The following RAPGEF4 variants were observed in gnomAD, a reference collection of about 807,000 sequenced individuals.
RAPGEF4 encodes the protein RAP guanine-nucleotide-exchange factor (GEF) 4.
A neutral mutation model predicts 147.9 loss-of-function variants in RAPGEF4; 66 were observed. The ratio of observed to expected loss-of-function variants is 0.45; its 90% CI spans 0.37 to 0.55. The LOEUF is 0.55. RAPGEF4 is among the 20% of genes least tolerant of loss of function. RAPGEF4 has a pLI of 0.00. For synonymous variants in RAPGEF4, 419 were observed against 442.7 expected, an observed-to-expected ratio of 0.95 and a Z score of 0.67; for missense variants, 1,071 against 1,257.3, an observed-to-expected ratio of 0.85 and a Z score of 2.24.
chr2:172,912,488 C>T (rs1683541597), intron 4 of RAPGEF4, among the ~76,000 whole-genome samples: 1 of 152,206 alleles, frequency 6.6e-6, no homozygotes, highest in Non-Finnish European at 1.5e-5. Context: ...CACAGTTGGC[C>T]TCCTTACTCT....
At chr2:172,986,589 T>G (rs1692272198) in intron 12 of RAPGEF4, among the ~76,000 whole-genome samples, 1 of 152,178 alleles carries the variant, frequency 6.6e-6, no homozygotes, top group African/African-American at 2.4e-5. Flanking sequence ...TTGCTAATTG[T>G]TTTCATTTTA....
At chr2:172,928,691 C>T (rs947282916) in intron 6 of RAPGEF4, among the ~76,000 whole-genome samples, 7 of 152,126 alleles carry the variant, frequency 4.6e-5, no homozygotes, top group Admixed American at 2.0e-4. Context: ...GCCATGCTGA[C>T]GATTTTCTAG....
At chr2:173,019,288 G>A (rs1695813661) in intron 22 of RAPGEF4, among the ~76,000 whole-genome samples, 1 of 152,176 alleles carries the variant, frequency 6.6e-6, no homozygotes, top group Non-Finnish European at 1.5e-5. Context: ...TTCCTCCACG[G>A]GATTACAGTT....
intron 1 of RAPGEF4, among the ~76,000 whole-genome samples, chr2:172,747,692 G>T (rs1574677903): frequency 6.6e-6 from 1 of 151,980 alleles, no homozygotes; most frequent in South Asian, 2.1e-4. Context: ...CAAACCCCTG[G>T]GCTTAAGCAA....
At chr2:172,974,429 GTACTAA>G (rs1690847825) in intron 10 of RAPGEF4, among the ~76,000 whole-genome samples, 1 of 152,072 alleles carries the variant, frequency 6.6e-6, no homozygotes, top group Non-Finnish European at 1.5e-5. Context: ...CATACCTATA[GTACTAA>G]CACTTTGGGA....
intron 7 of RAPGEF4, 57 bp downstream of exon 7, chr2:172,960,870 G>A: frequency 1.4e-6 from 2 of 1,403,390 alleles, no homozygotes; most frequent in Non-Finnish European, 2.0e-6. Flanking sequence ...AGTACCTCTG[G>A]AGGTGGTCCA....
At chr2:172,876,220 C>A (rs1041675918) in intron 4 of RAPGEF4, among the ~76,000 whole-genome samples, 2 of 152,138 alleles carry the variant, frequency 1.3e-5, no homozygotes, top group African/African-American at 2.4e-5. Context: ...TTCCTCCTTT[C>A]CTAATTGAAT....
chr2:172,771,049 A>G (rs969723685), intron 1 of RAPGEF4, among the ~76,000 whole-genome samples: 1 of 152,198 alleles, frequency 6.6e-6, no homozygotes, highest in Non-Finnish European at 1.5e-5. Context: ...AACAAAGTAC[A>G]TAGGCTGGTC....
At chr2:172,928,859 G>A (rs963117549) in intron 6 of RAPGEF4, among the ~76,000 whole-genome samples, 2 of 152,184 alleles carry the variant, frequency 1.3e-5, no homozygotes, top group Admixed American at 6.5e-5. Flanking sequence ...TTGGCCAACA[G>A]CTTCTTCTTG....
chr2:172,829,104 C>T (rs1441063371), intron 4 of RAPGEF4, among the ~76,000 whole-genome samples: 1 of 152,204 alleles, frequency 6.6e-6, no homozygotes, highest in East Asian at 1.9e-4. Flanking sequence ...CTACGAAGGC[C>T]TGGGGCTGAG....
chr2:173,035,599 G>C (rs1041444610), intron 27 of RAPGEF4, among the ~76,000 whole-genome samples: 6 of 151,602 alleles, frequency 4.0e-5, no homozygotes, highest in African/African-American at 1.5e-4. Flanking sequence ...CGATACTCCT[G>C]CCTTGGCCTC....
chr2:172,940,046 C>T (rs1475646410), intron 6 of RAPGEF4, among the ~76,000 whole-genome samples: 1 of 152,086 alleles, frequency 6.6e-6, no homozygotes, highest in African/African-American at 2.4e-5. Flanking sequence ...AATTCTCAGA[C>T]TTTCCTAGTT....
At chr2:172,852,092 TG>T (rs1692908328) in intron 4 of RAPGEF4, among the ~76,000 whole-genome samples, 1 of 152,224 alleles carries the variant, frequency 6.6e-6, no homozygotes, top group Non-Finnish European at 1.5e-5. Flanking sequence ...AAATAACTCC[TG>T]GATTTGTTTG....
intron 4 of RAPGEF4, among the ~76,000 whole-genome samples, chr2:172,875,893 C>T (rs1323576190): frequency 6.6e-6 from 1 of 152,112 alleles, no homozygotes; most frequent in African/African-American, 2.4e-5. Context: ...AATGTTCTTC[C>T]ATTTGTTTGT....
chr2:172,846,576 C>CA (rs1212909338), intron 4 of RAPGEF4, among the ~76,000 whole-genome samples: 17 of 151,684 alleles, frequency 1.1e-4, no homozygotes, highest in East Asian at 7.8e-4. Flanking sequence ...AGATTCTGGC[C>CA]AAAAAAAAGT....
In RAPGEF4 at chr2:172,978,634, C is replaced by A. The variant is rs1691349766; in HGVS notation, c.1005-4862C>A. ...TCAACCCCTCTAACACCGCCCTCTC[C>A]TGCCCTCTGGGCTGATTGACGCAGA... On this transcript the variant is annotated intron_variant, in intron 10 of 30. Transcript: ENST00000397081. 2.0e-5 allele frequency among the ~76,000 whole-genome samples: 3 copies of A among 152,234 alleles called. No homozygotes were observed. In the South Asian group the frequency reaches 6.2e-4, roughly 31 times the overall value.
At chr2:172,755,333 A>AT (rs1407399354) in intron 1 of RAPGEF4, among the ~76,000 whole-genome samples, 4 of 152,198 alleles carry the variant, frequency 2.6e-5, no homozygotes, top group African/African-American at 9.7e-5. Flanking sequence ...GCCCCTTGAG[A>AT]TTTTAGATAG....
intron 25 of RAPGEF4, among the ~76,000 whole-genome samples, chr2:173,029,793 A>G (rs925522972): frequency 1.3e-5 from 2 of 152,200 alleles, no homozygotes; most frequent in African/African-American, 2.4e-5. Flanking sequence ...CCTTCAGGCT[A>G]AAGGTCTAGA....
chr2:172,857,847 A>G lies in RAPGEF4; in HGVS notation c.444+43422A>G, dbSNP rs191832561. The stretch of plus-strand genomic sequence containing the variant: ...GCAGCGAGCCATGACCTACGGCTGT[A>G]CTCCAGCCTGACTGACAGAGCAAGA... On this transcript the variant is annotated intron_variant, in intron 4 of 30. Coordinates refer to ENST00000397081, the MANE Select transcript of RAPGEF4 (RefSeq NM_007023.4). 8.3e-4 allele frequency among the ~76,000 whole-genome samples: 100 copies of G among 120,170 alleles called. 1 individual carries two copies. Among genetic ancestry groups the G allele is most frequent in the Admixed American group, 2.4e-3 (23 of 9,490 alleles). 78.8% of individuals were successfully genotyped at this position (120,170 alleles called of 152,430 possible).
Sources: allele counts gnomAD v4.1 joint callset (sites outside exome capture counted in the v4.1 genomes callset), GRCh38; gene constraint gnomAD v4.1.1; transcripts MANE v1.5; gene names NCBI Gene and HGNC (gene_info 2026-07-23, HGNC 2026-07-21).